The following MCTP1 variants were observed in gnomAD, a reference collection of about 807,000 sequenced individuals.
MCTP1 encodes multiple C2 and transmembrane domain containing 1.
MCTP1 carries 69 observed loss-of-function variants against 120.6 expected under a neutral mutation model. That is an observed-to-expected ratio of 0.57 (90% CI 0.47 to 0.70). The LOEUF is 0.70. Among genes scored for constraint, MCTP1 ranks in the 30% least tolerant of loss-of-function variants. The pLI is 0.00. For missense variants in MCTP1, 1,203 were observed against 1,248.8 expected (o/e 0.96, Z 0.55); for synonymous variants, 529 against 493.1 (o/e 1.07, Z -0.96).
At chr5:94,847,682 G>GTATATATATATATA (rs373174876) in intron 17 of MCTP1, among the ~76,000 whole-genome samples, 9 of 102,404 alleles carry the variant, frequency 8.8e-5, no homozygotes, top group African/African-American at 3.4e-4. Context: ...GTGTGTGTGT[G>GTATATATATATATA]TATATATATA....
Position 94,710,842 on chromosome 5 carries a change from G to C in MCTP1, c.2806C>G (p.Leu936Val). ...CCCCAGACAAGGACAATGTATCTCA[G>C]CGGAATGCAGTACAGGATGGCTGTG... ...VFTAILYCIP[L>V]RYIVLVWGIN... The change falls in exon 21 of 23, where the codon CTG (leucine) becomes GTG (valine). Residue 936 changes from leucine to valine, a missense_variant. This residue lies in a region of MCTP1 where 740 missense variants were observed against 871.1 expected (regional missense o/e 0.85). Transcript: ENST00000515393. The C allele has an allele frequency of 3.7e-6, 6 of 1,612,512 alleles. No homozygotes were observed. Among genetic ancestry groups the C allele is most frequent in the Non-Finnish European group, 5.1e-6 (6 of 1,178,948 alleles).
rs1760531170 is a variant in MCTP1 at position 95,283,876 on chromosome 5, C to T, written c.700G>A (p.Glu234Lys). Reference sequence around the variant, plus strand: ...CTCACCTGGCTGCTGCCGTGCTCCTCGCCCGTCTCCGGGGCCCGAGACTCC... The same window carrying T: ...CTCACCTGGCTGCTGCCGTGCTCCTTGCCCGTCTCCGGGGCCCGAGACTCC... ...PAESRAPETG[E>K]EHGSSQKIIN... The change falls in exon 1 of 23, where the codon GAG becomes AAG. Residue 234 changes from glutamate (E) to lysine (K), a missense_variant. Glu to Lys is a moderately conservative substitution (Grantham distance 56). Around this residue, in one of 2 missense-constraint regions of MCTP1, gnomAD observed 463 missense variants for 377.8 expected, o/e 1.23. Coordinates refer to ENST00000515393, the MANE Select transcript of MCTP1 (RefSeq NM_024717.7). The T allele has an allele frequency of 7.3e-7, 1 of 1,379,096 alleles. No homozygotes were observed. Among genetic ancestry groups the T allele is most frequent in the Non-Finnish European group, 9.3e-7 (1 of 1,075,794 alleles). 85.4% of individuals were successfully genotyped at this position (1,379,096 alleles called of 1,614,324 possible).
At chr5:95,040,642 C>A (rs1263729261) in intron 1 of MCTP1, among the ~76,000 whole-genome samples, 1 of 151,990 alleles carries the variant, frequency 6.6e-6, no homozygotes, top group Non-Finnish European at 1.5e-5. Flanking sequence ...CCAAACAGAC[C>A]CCAGTTTCCT....
intron 19 of MCTP1, among the ~76,000 whole-genome samples, chr5:94,752,184 C>T (rs1156297370): frequency 6.5e-5 from 9 of 139,068 alleles, no homozygotes; most frequent in South Asian, 4.6e-4. Context: ...TTATCTCACC[C>T]GGCTGAAACA....
At position 94,904,887 on chromosome 5, in the gene MCTP1, C is replaced by G. The variant is rs530684346; in HGVS notation, c.1652+4364G>C. Among the ~76,000 whole-genome samples, 75 of 152,298 alleles carry G rather than the reference C, an allele frequency of 4.9e-4. 2 individuals carry two copies. In the South Asian group the frequency reaches 0.013, roughly 26 times the overall value. On this transcript the variant is annotated intron_variant, in intron 10 of 22. Coordinates refer to ENST00000515393, the MANE Select transcript of MCTP1 (RefSeq NM_024717.7). ...ATGGAGTATGTTGCAGTGAACAAAA[C>G]ACTCAAAAAATCCCTGCCCTCGTGG...
intron 18 of MCTP1, 69 bp from the exon 19 acceptor site, chr5:94,779,232 C>A (rs76995120): frequency 1.5e-6 from 2 of 1,315,252 alleles, no homozygotes; most frequent in Non-Finnish European, 2.2e-6. Context: ...CATTTTGAAC[C>A]TTTTGGAAAT....
chr5:95,071,288 T>G (rs963036212), intron 1 of MCTP1, among the ~76,000 whole-genome samples: 1 of 152,168 alleles, frequency 6.6e-6, no homozygotes, highest in Non-Finnish European at 1.5e-5. Context: ...TCGTAGTCAC[T>G]GATTAGGAGA....
Position 94,952,171 on chromosome 5 carries a change from C to CAAAAAA in MCTP1, c.981+1042_981+1047dup, listed in dbSNP as rs57358026. Among the ~76,000 whole-genome samples, 10 of 87,876 alleles carry CAAAAAA rather than the reference C, an allele frequency of 1.1e-4. 1 individual carries two copies. Among genetic ancestry groups the CAAAAAA allele is most frequent in the African/African-American group, 2.7e-4 (6 of 22,192 alleles). The allele number at this position is 87,876 out of a possible 152,430, so 57.7% of individuals were successfully genotyped here. A position where few individuals can be genotyped will look rare whatever the true frequency, so the allele number is the denominator to read the frequency against. On this transcript the variant is annotated intron_variant, in intron 3 of 22. Coordinates refer to ENST00000515393, the MANE Select transcript of MCTP1 (RefSeq NM_024717.7). ...TGGGTGACAGAATGAGACTTTGTCG[C>CAAAAAA]AAAAAAAAAAAAAAAAAAAAAAGCT...
At chr5:95,105,244 G>A (rs769327682) in intron 1 of MCTP1, among the ~76,000 whole-genome samples, 7 of 152,168 alleles carry the variant, frequency 4.6e-5, no homozygotes, top group African/African-American at 1.7e-4. Context: ...TGCAAATGAA[G>A]GGGAATAAAG....
At chr5:94,774,916 C>T (rs552419865) in intron 19 of MCTP1, among the ~76,000 whole-genome samples, 3 of 152,280 alleles carry the variant, frequency 2.0e-5, no homozygotes, top group Admixed American at 6.5e-5. Context: ...AATCTTCTCT[C>T]ATATCACATC....
At chr5:94,851,080 T>A (rs1166593915) in intron 17 of MCTP1, among the ~76,000 whole-genome samples, 1 of 152,118 alleles carries the variant, frequency 6.6e-6, no homozygotes, top group African/African-American at 2.4e-5. Flanking sequence ...AATAAAGGAA[T>A]CTGATTTTCA....
rs530832364 is a variant in MCTP1 at position 95,053,044 on chromosome 5, CTGTT to C, written c.721-35564_721-35561del. 6.5e-4 allele frequency among the ~76,000 whole-genome samples: 99 copies of C among 152,268 alleles called. 1 individual carries two copies. Among genetic ancestry groups the C allele is most frequent in the African/African-American group, 1.9e-3 (80 of 41,562 alleles). On this transcript the variant is annotated intron_variant, in intron 1 of 22. Coordinates refer to ENST00000515393, the MANE Select transcript of MCTP1 (RefSeq NM_024717.7). ...AAATACTCTCAATACTAAAATAAGTCTGTTTGTTATTCAAAAAGCAATTAATCTA... is the reference window on the plus strand; with the variant it reads ...AAATACTCTCAATACTAAAATAAGTCTGTTATTCAAAAAGCAATTAATCTA...
intron 2 of MCTP1, among the ~76,000 whole-genome samples, chr5:94,981,892 G>T (rs540236399): frequency 6.6e-6 from 1 of 152,136 alleles, no homozygotes; most frequent in Admixed American, 6.5e-5. Flanking sequence ...CCTTAGAAAG[G>T]GTTTGGGGTT....
chr5:94,756,105 C>A (rs1238067939), intron 19 of MCTP1, among the ~76,000 whole-genome samples: 2 of 152,172 alleles, frequency 1.3e-5, no homozygotes, highest in African/African-American at 2.4e-5. Context: ...GAAATTCCGA[C>A]AACAGCCAGA....
intron 1 of MCTP1, among the ~76,000 whole-genome samples, chr5:95,042,760 T>C: frequency 6.6e-6 from 1 of 152,210 alleles, no homozygotes; most frequent in East Asian, 1.9e-4. Flanking sequence ...TCACCTTGCC[T>C]TTCTCATTTA....
intron 1 of MCTP1, among the ~76,000 whole-genome samples, chr5:95,218,771 C>T (rs1753326824): frequency 6.6e-6 from 1 of 152,162 alleles, no homozygotes; most frequent in Non-Finnish European, 1.5e-5. Context: ...TACTATACGC[C>T]TAGGCTGGAT....
intron 10 of MCTP1, among the ~76,000 whole-genome samples, chr5:94,895,840 A>C (rs117535662): frequency 6.6e-6 from 1 of 152,298 alleles, no homozygotes; most frequent in East Asian, 1.9e-4. Flanking sequence ...ATTTTTGCCT[A>C]CTGGTTAATA....
chr5:94,714,678 G>T, intron 20 of MCTP1, 99 bp downstream of exon 20: 1 of 774,686 alleles, frequency 1.3e-6, no homozygotes. Flanking sequence ...CCCAGAAGGA[G>T]TGTCCCCTGC....
At chr5:94,873,465 TAA>T (rs1259668086) in intron 12 of MCTP1, among the ~76,000 whole-genome samples, 4 of 151,982 alleles carry the variant, frequency 2.6e-5, no homozygotes, top group African/African-American at 9.7e-5. Context: ...CTGAAAAAAG[TAA>T]AAGAGACAAA....
Sources: allele counts gnomAD v4.1 joint callset (sites outside exome capture counted in the v4.1 genomes callset), GRCh38; gene constraint gnomAD v4.1.1; regional missense constraint gnomAD v4.1.1; transcripts MANE v1.5; gene names NCBI Gene and HGNC (gene_info 2026-07-23, HGNC 2026-07-21).